IQCE: variants seen among roughly 807,000 people sequenced by gnomAD.
The protein encoded by IQCE is IQ motif containing E, also known as IQ domain-containing protein E.
IQCE carries 115 observed loss-of-function variants against 96.0 expected under a neutral mutation model. That is an observed-to-expected ratio of 1.20 (90% CI 1.03 to 1.40). The LOEUF is 1.40. IQCE is among the 40% of genes most tolerant of loss of function. IQCE has a pLI of 0.00. For synonymous variants in IQCE, 412 were observed against 371.2 expected, an observed-to-expected ratio of 1.11 and a Z score of -1.26; for missense variants, 1,041 against 909.1, an observed-to-expected ratio of 1.15 and a Z score of -1.87.
chr7:2,573,182 CAT>C (rs1311612266), intron 5 of IQCE, among the ~76,000 whole-genome samples: 2 of 152,188 alleles, frequency 1.3e-5, no homozygotes, highest in African/African-American at 4.8e-5. Flanking sequence ...TTGGTCTTCA[CAT>C]GTTTATTTAT....
intron 1 of IQCE, among the ~76,000 whole-genome samples, chr7:2,560,459 A>T (rs1409851759): frequency 6.6e-6 from 1 of 152,188 alleles, no homozygotes; most frequent in African/African-American, 2.4e-5. Flanking sequence ...CTGCACCCGC[A>T]GTAGGGGCTT....
At chr7:2,571,935 T>C (rs1781782129) in intron 4 of IQCE, among the ~76,000 whole-genome samples, 1 of 152,228 alleles carries the variant, frequency 6.6e-6, no homozygotes, top group South Asian at 2.1e-4. Context: ...TTTGGTGGGC[T>C]GGTCAGTGTC....
rs1781610530 is a variant in IQCE at position 2,569,541 on chromosome 7, G to C, written c.130+542G>C. On this transcript the variant is annotated intron_variant, in intron 3 of 21. Coordinates refer to ENST00000402050, the MANE Select transcript of IQCE (RefSeq NM_152558.5). Reference sequence around the variant, plus strand: ...ATTTGCCACCCTGCTTGTCCAGGAGGGTGCCGCGGAGGTGGGGTTAGTCCA... The same window carrying C: ...ATTTGCCACCCTGCTTGTCCAGGAGCGTGCCGCGGAGGTGGGGTTAGTCCA... 2.0e-5 allele frequency among the ~76,000 whole-genome samples: 3 copies of C among 152,238 alleles called. No homozygotes were observed. In the South Asian group the frequency reaches 6.2e-4, roughly 32 times the overall value.
In IQCE at chr7:2,589,173, G is replaced by T. The variant is rs181537864; in HGVS notation, c.1045-734G>T. ...ACTTGAGCCCAGGAATTTGAAACCA[G>T]CCTGGGCAACATAGCAAGACCCCAT... On this transcript the variant is annotated intron_variant, in intron 13 of 21. Transcript: ENST00000402050. 2.0e-5 allele frequency among the ~76,000 whole-genome samples: 3 copies of T among 152,092 alleles called. No individual in the cohort carries two copies. In the East Asian group the frequency reaches 5.8e-4, roughly 29 times the overall value.
intron 17 of IQCE, among the ~76,000 whole-genome samples, chr7:2,600,479 C>G (rs1304468786): frequency 1.3e-5 from 2 of 152,222 alleles, no homozygotes; most frequent in Non-Finnish European, 2.9e-5. Context: ...CCCTTGTGGT[C>G]TTAGTGTCCT....
At chr7:2,568,743 A>G (rs575461544) in intron 2 of IQCE, among the ~76,000 whole-genome samples, 1 of 152,214 alleles carries the variant, frequency 6.6e-6, no homozygotes, top group Non-Finnish European at 1.5e-5. Flanking sequence ...GTGCTCTGAG[A>G]GCCCAGCCCT....
chr7:2,598,972 T>C (rs945571419), intron 17 of IQCE, among the ~76,000 whole-genome samples: 12 of 152,214 alleles, frequency 7.9e-5, no homozygotes, highest in African/African-American at 2.7e-4. Context: ...CACCTAGGGC[T>C]GCCAGCAGTT....
At chr7:2,561,843 A>T (rs375748187) in intron 1 of IQCE, among the ~76,000 whole-genome samples, 69 of 152,358 alleles carry the variant, frequency 4.5e-4, no homozygotes, top group African/African-American at 1.4e-3. Flanking sequence ...TTGTCTGTGA[A>T]TAGAGATAGT....
In IQCE at chr7:2,584,301, G is replaced by T. The variant is rs1484578469; in HGVS notation, c.824+16G>T. On this transcript the variant is annotated intron_variant, in intron 11 of 21. Coordinates refer to ENST00000402050, the MANE Select transcript of IQCE (RefSeq NM_152558.5). The stretch of plus-strand genomic sequence containing the variant: ...CCGGAAAGAAGTATGATGGCCGCTT[G>T]CAAGCTGTGTTTTGTGTGTTGCCTT... 4 of 1,613,342 alleles carry T rather than the reference G, an allele frequency of 2.5e-6. No homozygotes were observed. In the South Asian group the frequency reaches 4.4e-5, roughly 18 times the overall value.
At position 2,584,690 on chromosome 7, in the gene IQCE, G is replaced by A. The variant is rs568284833; in HGVS notation, c.824+405G>A. 8 of 191,922 alleles carry A rather than the reference G, an allele frequency of 4.2e-5. 1 individual carries two copies. In the South Asian group the frequency reaches 8.0e-4, roughly 19 times the overall value. 11.9% of individuals were successfully genotyped at this position (191,922 alleles called of 1,614,324 possible). ...GAAACACCGAGGTTCTCCTTGTCTG[G>A]TAGATCTCCCACATCCCTTTCCCAA... On this transcript the variant is annotated intron_variant, in intron 11 of 21. Coordinates refer to ENST00000402050, the MANE Select transcript of IQCE (RefSeq NM_152558.5).
At chr7:2,575,333 C>CA (rs1782039826) in intron 6 of IQCE, among the ~76,000 whole-genome samples, 1 of 152,244 alleles carries the variant, frequency 6.6e-6, no homozygotes, top group African/African-American at 2.4e-5. Context: ...TCCTCATTCC[C>CA]ACTGGGCAGG....
intron 18 of IQCE, among the ~76,000 whole-genome samples, chr7:2,603,371 T>G (rs910605252): frequency 6.6e-6 from 1 of 152,182 alleles, no homozygotes; most frequent in Non-Finnish European, 1.5e-5. Flanking sequence ...GCGCCTGGCA[T>G]GTGGGAGGCA....
chr7:2,560,955 C>CA (rs746886884), intron 1 of IQCE, among the ~76,000 whole-genome samples: 11,088 of 57,868 alleles, frequency 0.19, 861 homozygotes, highest in East Asian at 0.35. Flanking sequence ...GACTCTGTCT[C>CA]AAAAAAAAAA....
chr7:2,608,534 G>T (rs1056850966), intron 21 of IQCE, among the ~76,000 whole-genome samples: 6 of 152,346 alleles, frequency 3.9e-5, no homozygotes, highest in Middle Eastern at 3.4e-3. Context: ...TCAACACAAA[G>T]ATGAGCAGCC....
intron 6 of IQCE, among the ~76,000 whole-genome samples, chr7:2,577,702 G>T (rs12700084): frequency 0.052 from 1,489 of 28,832 alleles, 24 homozygotes; most frequent in Middle Eastern, 0.071. Context: ...TGGCGTGTGC[G>T]TGGCTGTGCG....
chr7:2,605,404 A>G (rs1432383526), intron 19 of IQCE, among the ~76,000 whole-genome samples: 1 of 152,112 alleles, frequency 6.6e-6, no homozygotes, highest in Non-Finnish European at 1.5e-5. Context: ...GTGGATCACA[A>G]GGTCAGGAGA....
chr7:2,568,769 T>G (rs938821389), intron 2 of IQCE, among the ~76,000 whole-genome samples, 185 bp from the exon 3 acceptor site: 4 of 152,090 alleles, frequency 2.6e-5, no homozygotes, highest in Non-Finnish European at 5.9e-5. Flanking sequence ...CTGACGTGAG[T>G]GCATTTTTGT....
At chr7:2,606,979 G>C (rs532268705) in intron 20 of IQCE, 145 bp from the exon 21 acceptor site, 5 of 690,382 alleles carry the variant, frequency 7.2e-6, no homozygotes, top group Non-Finnish European at 1.2e-5. Flanking sequence ...TGGGTACAGC[G>C]CTGGTCGTGG....
At chr7:2,573,658 G>A (rs1334735964) in intron 6 of IQCE, among the ~76,000 whole-genome samples, 170 bp downstream of exon 6, 1 of 152,120 alleles carries the variant, frequency 6.6e-6, no homozygotes, top group East Asian at 1.9e-4. Flanking sequence ...TGGTGTCCCT[G>A]GTTAAAGGCC....
Sources: allele counts gnomAD v4.1 joint callset (sites outside exome capture counted in the v4.1 genomes callset), GRCh38; gene constraint gnomAD v4.1.1; transcripts MANE v1.5; gene names NCBI Gene and HGNC (gene_info 2026-07-23, HGNC 2026-07-21).